The following DPP6 variants were observed in gnomAD, a reference collection of about 807,000 sequenced individuals.
DPP6 encodes dipeptidyl peptidase like 6, also known as A-type potassium channel modulatory protein DPP6.
A neutral mutation model predicts 122.6 loss-of-function variants in DPP6; 69 were observed. That is an observed-to-expected ratio of 0.56 (90% CI 0.46 to 0.69). The LOEUF is 0.69. Ranked by LOEUF, DPP6 falls within the 30% of genes least tolerant of loss-of-function variation. DPP6 has a pLI of 0.00. For missense variants in DPP6, 928 were observed against 1,116.9 expected (o/e 0.83, Z 2.41); for synonymous variants, 418 against 433.1 (o/e 0.97, Z 0.43).
the DPP6 span, among the ~76,000 whole-genome samples, chr7:153,802,062 G>T: frequency 5.9e-5 from 9 of 152,324 alleles, no homozygotes; most frequent in African/African-American, 1.9e-4. Context: ...TTATGTGGTG[G>T]CAATGCCGAG....
intron 1 of DPP6, among the ~76,000 whole-genome samples, chr7:154,334,689 A>AGTTC (rs1259356470): frequency 1.1e-4 from 16 of 152,234 alleles, no homozygotes; most frequent in African/African-American, 3.6e-4. Context: ...TGAGGTCAGA[A>AGTTC]GTTCGAGATC....
At chr7:153,921,499 A>C (rs796530497) in intron 1 of DPP6, among the ~76,000 whole-genome samples, 8 of 152,346 alleles carry the variant, frequency 5.3e-5, no homozygotes, top group African/African-American at 1.9e-4. Context: ...AGTAAAAGAA[A>C]ATGAGGGTAG....
At chr7:154,311,795 C>T (rs1806918187) in intron 1 of DPP6, among the ~76,000 whole-genome samples, 1 of 152,176 alleles carries the variant, frequency 6.6e-6, no homozygotes, top group Non-Finnish European at 1.5e-5. Flanking sequence ...CATGGTTTAG[C>T]ACCATTTTCT....
chr7:154,260,885 T>C (rs557585935), intron 1 of DPP6, among the ~76,000 whole-genome samples: 5 of 151,878 alleles, frequency 3.3e-5, no homozygotes, highest in African/African-American at 1.2e-4. Context: ...GTAGTTCTTT[T>C]GGTGTATTTT....
At position 154,260,233 on chromosome 7, in the gene DPP6, C is replaced by T. The variant is rs1264398226; in HGVS notation, c.244-185981C>T. Among the ~76,000 whole-genome samples, 8 of 152,142 alleles carry T rather than the reference C, an allele frequency of 5.3e-5. No individual in the cohort carries two copies. In the East Asian group the frequency reaches 5.8e-4, roughly 11 times the overall value. On this transcript the variant is annotated intron_variant, in intron 1 of 25. Transcript: ENST00000377770. ...GGAGTTGGGGCTTTATCCTCAGTTC[C>T]GTGGAAAGCTGCCAGGTCATGTTGA...
At chr7:153,917,039 A>C (rs1052470978) in intron 1 of DPP6, among the ~76,000 whole-genome samples, 3 of 152,216 alleles carry the variant, frequency 2.0e-5, no homozygotes, top group African/African-American at 7.2e-5. Context: ...ATCATCTGAA[A>C]ATCTTGTGAA....
intron 1 of DPP6, among the ~76,000 whole-genome samples, chr7:154,261,559 A>C (rs1339779502): frequency 6.6e-6 from 1 of 152,220 alleles, no homozygotes; most frequent in Non-Finnish European, 1.5e-5. Flanking sequence ...TAAACTAAAG[A>C]GCTTTTGCGG....
At chr7:154,072,206 C>T (rs764579518) in intron 1 of DPP6, among the ~76,000 whole-genome samples, 20 of 152,354 alleles carry the variant, frequency 1.3e-4, no homozygotes, top group Admixed American at 4.6e-4. Flanking sequence ...AGCTTATATC[C>T]GCTTGCAGTT....
intron 1 of DPP6, among the ~76,000 whole-genome samples, chr7:154,113,412 T>TATATATATATACACACACACAC (rs1472172445): frequency 7.0e-6 from 1 of 141,894 alleles, no homozygotes; most frequent in African/African-American, 2.6e-5. Flanking sequence ...TATATATATA[T>TATATATATATACACACACACAC]ACACACACAC....
At chr7:154,754,739 A>G (rs981694289) in intron 8 of DPP6, among the ~76,000 whole-genome samples, 1 of 152,248 alleles carries the variant, frequency 6.6e-6, no homozygotes, top group Non-Finnish European at 1.5e-5. Flanking sequence ...ATGCTCATCA[A>G]TGATAGACTG....
rs541696051 is a variant in DPP6 at position 154,760,109 on chromosome 7, C to T, written c.884-9308C>T. Among the ~76,000 whole-genome samples, 17 of 152,230 alleles carry T rather than the reference C, an allele frequency of 1.1e-4. No homozygotes were observed. The highest frequency in any genetic ancestry group is 1.9e-4 in the East Asian group (1 of 5,168). On this transcript the variant is annotated intron_variant, in intron 8 of 25. Transcript: ENST00000377770. This position sits in a 1 kb window ranked among gnomAD's most constrained non-coding sequence, Gnocchi z 4.5. ...TTGCACTCCAGCCTAGGTGACAGAGCGAGATTCTGTCTCAAAACAAAAAAA... is the reference window on the plus strand; with the variant it reads ...TTGCACTCCAGCCTAGGTGACAGAGTGAGATTCTGTCTCAAAACAAAAAAA...
the DPP6 span, among the ~76,000 whole-genome samples, chr7:153,876,175 G>C: frequency 6.6e-6 from 1 of 151,688 alleles, no homozygotes. Context: ...AATTAAGGAG[G>C]AAAATAGACA....
the DPP6 span, among the ~76,000 whole-genome samples, chr7:153,842,270 C>T: frequency 2.0e-5 from 3 of 152,118 alleles, no homozygotes; most frequent in African/African-American, 7.2e-5. Context: ...GTTTAAATAG[C>T]ATTTTTAATT....
chr7:154,314,510 C>A (rs1807259745), intron 1 of DPP6, among the ~76,000 whole-genome samples: 4 of 152,166 alleles, frequency 2.6e-5, no homozygotes. Context: ...GTAACGTAAA[C>A]CCCTTTTCCA....
At chr7:154,144,837 A>G (rs1352633665) in intron 1 of DPP6, among the ~76,000 whole-genome samples, 1 of 151,226 alleles carries the variant, frequency 6.6e-6, no homozygotes, top group Non-Finnish European at 1.5e-5. Context: ...TGGTGAGGAG[A>G]AGGCTGTCTG....
At chr7:153,899,564 GATCT>G (rs1799555980) in intron 1 of DPP6, among the ~76,000 whole-genome samples, 1 of 152,198 alleles carries the variant, frequency 6.6e-6, no homozygotes, top group Admixed American at 6.5e-5. Context: ...TTGAAAAACT[GATCT>G]ATCTTAGTCT....
chr7:154,231,528 G>C (rs2150851499), intron 1 of DPP6, among the ~76,000 whole-genome samples: 1 of 152,290 alleles, frequency 6.6e-6, no homozygotes, highest in East Asian at 1.9e-4. Context: ...TAAAACAGGA[G>C]GTGGTCACAG....
In DPP6 at chr7:154,291,349, C is replaced by G. The variant is rs183556368; in HGVS notation, c.244-154865C>G. Among the ~76,000 whole-genome samples, 300 of 152,258 alleles carry G rather than the reference C, an allele frequency of 2.0e-3. 1 individual carries two copies. The highest frequency in any genetic ancestry group is 6.8e-3 in the African/African-American group (284 of 41,532). ...GCATTCCAGTTATCTCTGAATAAAA[C>G]TTGTGATGGTAAGGACACAGCCCCT... is the stretch of plus-strand genomic sequence containing the variant. On this transcript the variant is annotated intron_variant, in intron 1 of 25. Coordinates refer to ENST00000377770, the MANE Select transcript of DPP6 (RefSeq NM_130797.4).
chr7:153,839,480 C>T, the DPP6 span, among the ~76,000 whole-genome samples: 73 of 152,328 alleles, frequency 4.8e-4, 1 homozygote, highest in African/African-American at 1.7e-3. Context: ...CCAGAAGGCA[C>T]ACGTGTGCAC....
Sources: gnomAD v4.1 joint callset for allele counts (sites outside exome capture counted in the v4.1 genomes callset) on GRCh38, gnomAD v4.1.1 for gene constraint, Gnocchi (gnomAD v3.1) non-coding constraint, MANE v1.5 for transcripts, NCBI Gene and HGNC (gene_info 2026-07-23, HGNC 2026-07-21) for gene names.